TICRR: variants seen among roughly 807,000 people sequenced by gnomAD.
TICRR encodes TOPBP1 interacting checkpoint and replication regulator.
Under a neutral mutation model 178.1 loss-of-function variants are expected in TICRR, and 132 were observed. The ratio of observed to expected loss-of-function variants is 0.74; its 90% CI spans 0.64 to 0.86. The LOEUF is 0.86. TICRR is among the 40% of genes least tolerant of loss of function. TICRR has a pLI of 0.00. For missense variants in TICRR, 2,587 were observed against 2,334.3 expected (o/e 1.11, Z -2.23); for synonymous variants, 991 against 900.7 (o/e 1.10, Z -1.79).
At chr15:89,603,268 T>C (rs1419382982) in intron 13 of TICRR, among the ~76,000 whole-genome samples, 1 of 152,182 alleles carries the variant, frequency 6.6e-6, no homozygotes, top group Non-Finnish European at 1.5e-5. Flanking sequence ...TTTCAATATG[T>C]TATATTTTAC....
At chr15:89,601,048 G>GGA (rs1238751905) in intron 9 of TICRR, among the ~76,000 whole-genome samples, 1 of 74,822 alleles carries the variant, frequency 1.3e-5, no homozygotes, top group African/African-American at 5.6e-5. Flanking sequence ...CCTGTCTCAG[G>GGA]AAAAAAAAAA....
intron 8 of TICRR, among the ~76,000 whole-genome samples, chr15:89,600,171 T>C (rs1263331126): frequency 6.6e-6 from 1 of 152,198 alleles, no homozygotes; most frequent in East Asian, 1.9e-4. Context: ...GGGTTGGCGC[T>C]TTTAAAAAGC....
intron 4 of TICRR, among the ~76,000 whole-genome samples, chr15:89,587,778 T>G (rs1962846443): frequency 6.6e-6 from 1 of 152,168 alleles, no homozygotes; most frequent in Admixed American, 6.5e-5. Context: ...CAGGAGGGAC[T>G]GTGAAAAGAG....
intron 15 of TICRR, among the ~76,000 whole-genome samples, chr15:89,610,962 T>A (rs1411990507): frequency 6.6e-6 from 1 of 152,160 alleles, no homozygotes; most frequent in Admixed American, 6.5e-5. Context: ...TCTGCTACTA[T>A]GTATTTCTGT....
chr15:89,599,520 G>C, intron 8 of TICRR, 45 bp downstream of exon 8: 1 of 1,572,738 alleles, frequency 6.4e-7, no homozygotes, highest in Middle Eastern at 1.7e-4. Flanking sequence ...TGTAGTGGTT[G>C]GTTGGTTGGT....
intron 15 of TICRR, among the ~76,000 whole-genome samples, chr15:89,613,107 T>C (rs964986047): frequency 2.0e-5 from 3 of 152,236 alleles, no homozygotes; most frequent in African/African-American, 7.2e-5. Context: ...GTATTATTTA[T>C]AGTGTAGGTC....
rs1399281396 is a variant in TICRR, at chr15:89,627,200, C to T, written c.*114C>T. 1.8e-5 allele frequency: 24 copies of T among 1,303,434 alleles called. No individual in the cohort carries two copies. Among genetic ancestry groups the T allele is most frequent in the Non-Finnish European group, 2.6e-5 (24 of 932,608 alleles). 80.7% of individuals were successfully genotyped at this position (1,303,434 alleles called of 1,614,324 possible). On this transcript the variant is annotated 3_prime_UTR_variant, in exon 22 of 22. Coordinates refer to ENST00000268138, the MANE Select transcript of TICRR (RefSeq NM_152259.4). Reference sequence around the variant, plus strand: ...TTGCCATGGTCAGTGTTCAGATTGCCATTAGAATGCCTTAGGGTTTTCTAA... The same window carrying T: ...TTGCCATGGTCAGTGTTCAGATTGCTATTAGAATGCCTTAGGGTTTTCTAA...
chr15:89,613,043 G>A (rs1296028496), intron 15 of TICRR, among the ~76,000 whole-genome samples: 1 of 152,118 alleles, frequency 6.6e-6, no homozygotes, highest in Non-Finnish European at 1.5e-5. Flanking sequence ...AACTCTTTAT[G>A]TGGACTTGAG....
In TICRR at chr15:89,623,721, G is replaced by T; in HGVS notation, c.3411G>T (p.Arg1137Ser). The stretch of plus-strand genomic sequence containing the variant: ...AAACTCCGTTGTATACTCCAGAAAG[G>T]CTGCAGAAGTCCCCTGCAAAAATGA... ...TPQTPLYTPE[R>S]LQKSPAKMTP... is the part of the protein sequence containing the mutation. Residue 1137 changes from arginine (R) to serine (S), a missense_variant, in exon 20 of 22, where the codon AGG (arginine) becomes AGT (serine). Arg to Ser is a moderately radical substitution (Grantham distance 110). Transcript: ENST00000268138. The T allele has an allele frequency of 6.2e-7, 1 of 1,614,028 alleles. No homozygotes were observed. The highest frequency in any genetic ancestry group is 8.5e-7 in the Non-Finnish European group (1 of 1,180,010).
Position 89,624,703 on chromosome 15 carries a change from ACT to A in TICRR, c.4397_4398del (p.Leu1466ProfsTer3). The A allele has an allele frequency of 1.2e-6, 2 of 1,613,848 alleles. No homozygotes were observed. Among genetic ancestry groups the A allele is most frequent in the Non-Finnish European group, 1.7e-6 (2 of 1,179,946 alleles). On this transcript the variant is annotated frameshift_variant, in exon 20 of 22. Coordinates refer to ENST00000268138, the MANE Select transcript of TICRR (RefSeq NM_152259.4). LOFTEE classifies it high-confidence loss of function. ...CATTACAAGTGACACAGAGCATGTC[ACT>A]CTCCTCAGTGAAGCCGAACACCATG... ...LLITSDTEHV[T>X]LLSEAEHHGI...
At chr15:89,578,618 A>G (rs1962666539) in intron 1 of TICRR, among the ~76,000 whole-genome samples, 1 of 151,464 alleles carries the variant, frequency 6.6e-6, no homozygotes, top group Non-Finnish European at 1.5e-5. Flanking sequence ...GATCTTGGAG[A>G]TTCTTTGTCT....
At position 89,625,567 on chromosome 15, in the gene TICRR, A is replaced by C; in HGVS notation, c.5257A>C (p.Arg1753=). The change falls in exon 20 of 22, where the codon AGG becomes CGG. Residue 1753 remains arginine (R), a synonymous_variant. Transcript: ENST00000268138. ...CCAGCTCCCAGACCAGTCGCCTCCC[A>C]GGAACAGCATGCCTAAGGCCGAGGA... The part of the protein sequence containing the change: ...VCQLPDQSPP[R]NSMPKAEEAS... The C allele has an allele frequency of 6.2e-7, 1 of 1,613,154 alleles. No individual in the cohort carries two copies. The highest frequency in any genetic ancestry group is 8.5e-7 in the Non-Finnish European group (1 of 1,180,004).
chr15:89,578,632 T>C (rs1373455535), intron 1 of TICRR, among the ~76,000 whole-genome samples: 1 of 151,018 alleles, frequency 6.6e-6, no homozygotes, highest in African/African-American at 2.4e-5. Flanking sequence ...TTTGTCTCTC[T>C]TTTTTTCTCT....
At chr15:89,591,917 A>G in intron 4 of TICRR, 130 bp from the exon 5 acceptor site, 1 of 713,596 alleles carries the variant, frequency 1.4e-6, no homozygotes, top group East Asian at 2.8e-5. Context: ...CGGAGAACAA[A>G]TGTTAACTGT....
intron 13 of TICRR, among the ~76,000 whole-genome samples, chr15:89,603,669 T>TAGTC (rs766480979): frequency 1.3e-5 from 2 of 151,998 alleles, no homozygotes; most frequent in African/African-American, 4.8e-5. Context: ...GGAGGTGGAG[T>TAGTC]AGTCGCCCCT....
chr15:89,621,890 C>A (rs1238517917), intron 19 of TICRR, among the ~76,000 whole-genome samples: 2 of 151,968 alleles, frequency 1.3e-5, no homozygotes, highest in Admixed American at 6.6e-5. Context: ...TCCATCCAGT[C>A]ACCAACATTA....
intron 5 of TICRR, among the ~76,000 whole-genome samples, chr15:89,592,613 C>A (rs1242796245): frequency 6.6e-6 from 1 of 152,036 alleles, no homozygotes; most frequent in Non-Finnish European, 1.5e-5. Context: ...AAGAAAGTAA[C>A]CTCCACCCTA....
At chr15:89,608,701 C>G in intron 14 of TICRR, 102 bp from the exon 15 acceptor site, 1 of 1,018,058 alleles carries the variant, frequency 9.8e-7, no homozygotes. Context: ...TCTGTAGTTT[C>G]CTCAAGGAGC....
Position 89,606,833 on chromosome 15 carries a change from G to A in TICRR, c.2722+8G>A, listed in dbSNP as rs1963183047. On this transcript the variant is annotated splice_region_variant and intron_variant, in intron 14 of 21. Coordinates refer to ENST00000268138, the MANE Select transcript of TICRR (RefSeq NM_152259.4). ...TGAAAGATACAGTGCAAGGTATACT[G>A]TTTTCTCAGTGTATGTATTTATTCA... is the stretch of plus-strand genomic sequence containing the variant. The A allele has an allele frequency of 1.2e-6, 2 of 1,612,160 alleles. No individual in the cohort carries two copies. The highest frequency in any genetic ancestry group is 1.7e-6 in the Non-Finnish European group (2 of 1,178,458).
Sources: gnomAD v4.1 joint callset for allele counts (sites outside exome capture counted in the v4.1 genomes callset) on GRCh38, gnomAD v4.1.1 for gene constraint, MANE v1.5 for transcripts, NCBI Gene and HGNC (gene_info 2026-07-23, HGNC 2026-07-21) for gene names.